GOLGB1: variants seen among roughly 807,000 people sequenced by gnomAD.
GOLGB1 encodes golgin subfamily B member 1.
GOLGB1 carries 174 observed loss-of-function variants against 336.9 expected under a neutral mutation model. The observed-to-expected ratio is 0.52, with a 90% confidence interval of 0.46 to 0.59. GOLGB1 has a LOEUF of 0.59. Among genes scored for constraint, GOLGB1 ranks in the 20% least tolerant of loss-of-function variants. The pLI is 0.00. For synonymous variants in GOLGB1, 1,208 were observed against 1,289.2 expected, an observed-to-expected ratio of 0.94 and a Z score of 1.35; for missense variants, 3,331 against 3,645.3, an observed-to-expected ratio of 0.91 and a Z score of 2.22.
intron 17 of GOLGB1, among the ~76,000 whole-genome samples, chr3:121,672,083 A>G (rs1031123155): frequency 2.6e-5 from 4 of 152,276 alleles, no homozygotes; most frequent in Non-Finnish European, 5.9e-5. Context: ...GTTTTTTATG[A>G]ACAGTGCTCC....
At chr3:121,688,768 C>T (rs1942067289) in intron 14 of GOLGB1, among the ~76,000 whole-genome samples, 1 of 150,924 alleles carries the variant, frequency 6.6e-6, no homozygotes, top group Non-Finnish European at 1.5e-5. Context: ...TGCCCATCGT[C>T]TGAGATGTGG....
At chr3:121,684,126 T>C (rs1328118828) in intron 14 of GOLGB1, among the ~76,000 whole-genome samples, 2 of 24,308 alleles carry the variant, frequency 8.2e-5, no homozygotes, top group Non-Finnish European at 1.4e-4. Context: ...AGACGCCGTC[T>C]CAAAAAAAAA....
chr3:121,691,712 ATTG>A lies in GOLGB1; in HGVS notation c.7649_7651del (p.Thr2550del). 1 of 1,612,780 alleles carries A rather than the reference ATTG, an allele frequency of 6.2e-7. No individual in the cohort carries two copies. Among genetic ancestry groups the A allele is most frequent in the Non-Finnish European group, 8.5e-7 (1 of 1,179,728 alleles). ...AAGCTGCTTTTGTTGGCTGTCCTTT[ATTG>A]TTATCACTTGGTTCAGGTCTTCTCT... On this transcript the variant is annotated inframe_deletion, in exon 14 of 22. Transcript: ENST00000614479.
intron 17 of GOLGB1, among the ~76,000 whole-genome samples, chr3:121,670,763 G>A (rs571082836): frequency 1.5e-4 from 22 of 148,890 alleles, no homozygotes; most frequent in African/African-American, 3.2e-4. Flanking sequence ...TTTGGGGGGG[G>A]GGGTGTGGGA....
intron 10 of GOLGB1, among the ~76,000 whole-genome samples, chr3:121,713,698 A>C (rs1401975898): frequency 6.6e-6 from 1 of 152,146 alleles, no homozygotes; most frequent in Non-Finnish European, 1.5e-5. Flanking sequence ...AGTTTGGGTA[A>C]CACAGGTGTA....
chr3:121,710,103 G>GA (rs4048702), intron 10 of GOLGB1, among the ~76,000 whole-genome samples: 3,434 of 131,232 alleles, frequency 0.026, 113 homozygotes, highest in African/African-American at 0.085. Context: ...GCACCGGGTG[G>GA]AAAAAAAAAA....
At position 121,691,302 on chromosome 3, in the gene GOLGB1, C is replaced by A; in HGVS notation, c.8062G>T (p.Glu2688Ter). 6.2e-7 allele frequency: 1 copy of A among 1,613,092 alleles called. No individual in the cohort carries two copies. ...VGEIEDKLKK[E>*]LKHLHHDAGI... is the part of the protein sequence containing the mutation. ...GCATCATGATGAAGATGCTTTAATT[C>A]TTTCTTCAGTTTATCTTCAATTTCA... Residue 2688 changes from glutamate (E) to a stop codon, truncating the protein, a stop_gained, in exon 14 of 22, where the codon GAA becomes TAA. Transcript: ENST00000614479. LOFTEE classifies it high-confidence loss of function.
intron 19 of GOLGB1, 63 bp from the exon 20 acceptor site, chr3:121,667,673 G>A (rs1938830715): frequency 2.1e-6 from 3 of 1,462,932 alleles, no homozygotes; most frequent in Non-Finnish European, 1.9e-6. Flanking sequence ...TAATACAAGG[G>A]ATTCAAAGTC....
At chr3:121,749,445 G>A (rs1441477559) in intron 1 of GOLGB1, among the ~76,000 whole-genome samples, 187 bp downstream of exon 1, 1 of 152,206 alleles carries the variant, frequency 6.6e-6, no homozygotes, top group African/African-American at 2.4e-5. Context: ...AGGCTTGTGG[G>A]CTACTAGAAC....
chr3:121,718,092 C>G (rs1253319421), intron 8 of GOLGB1, among the ~76,000 whole-genome samples: 2 of 152,036 alleles, frequency 1.3e-5, no homozygotes, highest in African/African-American at 4.8e-5. Context: ...TCAGATTAGG[C>G]ATACTCAATC....
chr3:121,676,363 C>T (rs1205311831), intron 17 of GOLGB1, among the ~76,000 whole-genome samples: 3 of 152,196 alleles, frequency 2.0e-5, no homozygotes, highest in South Asian at 2.1e-4. Flanking sequence ...GAAAAGCTTA[C>T]GCACACACAC....
At chr3:121,704,153 G>C (rs1039403482) in intron 10 of GOLGB1, among the ~76,000 whole-genome samples, 6 of 151,832 alleles carry the variant, frequency 4.0e-5, no homozygotes, top group African/African-American at 1.5e-4. Context: ...ACAACCTCAG[G>C]GACATGTGGG....
chr3:121,698,574 T>C lies in GOLGB1; in HGVS notation c.1949A>G (p.Gln650Arg), dbSNP rs1202737805. Residue 650 changes from glutamine (Q) to arginine (R), a missense_variant, in exon 13 of 22, where the codon CAA (glutamine) becomes CGA (arginine). Physicochemically the swap from Gln to Arg is conservative, Grantham distance 43. Coordinates refer to ENST00000614479, the MANE Select transcript of GOLGB1 (RefSeq NM_001366282.2). ...VEKEQASTEH[Q>R]SRTSEEISLN... ...AGATATTTCCTCAGATGTTCTACTT[T>C]GATGTTCAGTGCTCGCCTGTTCTTT... 2 of 1,613,954 alleles carry C rather than the reference T, an allele frequency of 1.2e-6. No individual in the cohort carries two copies. The highest frequency in any genetic ancestry group is 1.6e-4 in the Middle Eastern group (1 of 6,062).
At chr3:121,723,733 G>A (rs1945352925) in intron 5 of GOLGB1, among the ~76,000 whole-genome samples, 1 of 152,278 alleles carries the variant, frequency 6.6e-6, no homozygotes, top group East Asian at 1.9e-4. Flanking sequence ...AAGGAAGAAA[G>A]CCAGGAAATC....
In GOLGB1 at chr3:121,683,080, T is replaced by TC. The variant is rs1941285038; in HGVS notation, c.8695-1216_8695-1215insG. Among the ~76,000 whole-genome samples, 4 of 129,664 alleles carry TC rather than the reference T, an allele frequency of 3.1e-5. No homozygotes were observed. In the East Asian group the frequency reaches 8.5e-4, roughly 28 times the overall value. 85.1% of individuals were successfully genotyped at this position (129,664 alleles called of 152,430 possible). ...TTTTTTTTTTTTTTTTTTTTTTTTT[T>TC]TTGGAGAGACGGAGTCTCAGTATGT... On this transcript the variant is annotated intron_variant, in intron 14 of 21. Transcript: ENST00000614479.
chr3:121,685,744 T>G (rs1477237470), intron 14 of GOLGB1, among the ~76,000 whole-genome samples: 1 of 152,122 alleles, frequency 6.6e-6, no homozygotes, highest in Non-Finnish European at 1.5e-5. Flanking sequence ...CTAAAAGGGT[T>G]GAAAGCAAAT....
chr3:121,734,330 C>T (rs1201204885), intron 1 of GOLGB1, among the ~76,000 whole-genome samples: 2 of 138,172 alleles, frequency 1.4e-5, no homozygotes, highest in Non-Finnish European at 3.0e-5. Flanking sequence ...GCATGGATTG[C>T]AGTGAGCTGA....
chr3:121,730,977 T>C lies in GOLGB1; in HGVS notation c.-2-4A>G, dbSNP rs760978755. Reference sequence around the variant, plus strand: ...CCTGATAATCGGCTCAGCATTTCTGTAGGAAAAGAAGGGGGGAAAAAACCT... The same window carrying C: ...CCTGATAATCGGCTCAGCATTTCTGCAGGAAAAGAAGGGGGGAAAAAACCT... On this transcript the variant is annotated splice_polypyrimidine_tract_variant and splice_region_variant and intron_variant, in intron 1 of 21. Coordinates refer to ENST00000614479, the MANE Select transcript of GOLGB1 (RefSeq NM_001366282.2). The C allele has an allele frequency of 1.2e-6, 2 of 1,609,248 alleles. No homozygotes were observed. The highest frequency in any genetic ancestry group is 2.2e-5 in the East Asian group (1 of 44,818).
Position 121,735,837 on chromosome 3 carries a change from C to A in GOLGB1, c.-2-4864G>T, listed in dbSNP as rs199509864. Among the ~76,000 whole-genome samples the A allele has an allele frequency of 2.0e-5, 3 of 152,090 alleles. No homozygotes were observed. The East Asian group carries it at 5.8e-4, about 29-fold the overall frequency. On this transcript the variant is annotated intron_variant, in intron 1 of 21. Coordinates refer to ENST00000614479, the MANE Select transcript of GOLGB1 (RefSeq NM_001366282.2). ...ACAGTAACACCTCAGTAGCAATGAG[C>A]GCATCCAGATCTCGATTTCTAAATT...
Sources: gnomAD v4.1 joint callset for allele counts (sites outside exome capture counted in the v4.1 genomes callset) on GRCh38, gnomAD v4.1.1 for gene constraint, MANE v1.5 for transcripts, NCBI Gene and HGNC (gene_info 2026-07-23, HGNC 2026-07-21) for gene names.